Variants in IL17D observed in about 807,000 individuals in gnomAD.
The protein encoded by IL17D is interleukin-17D.
In IL17D, 10 loss-of-function variants were observed where a neutral mutation model predicts 5.7. The observed-to-expected ratio is 1.75, with a 90% CI of 1.08 to 2.97. IL17D has a LOEUF of 2.97. Among genes scored for constraint, IL17D ranks in the 30% most tolerant of loss-of-function variants. The probability of loss-of-function intolerance (pLI) is 0.00; values close to 1 mark genes in which losing one functional copy is unlikely to be tolerated. For synonymous variants in IL17D, 172 were observed against 141.7 expected, an observed-to-expected ratio of 1.21 and a Z score of -1.52; for missense variants, 354 against 292.7, an observed-to-expected ratio of 1.21 and a Z score of -1.53.
At chr13:20,709,047 G>T (rs1253281338) in intron 1 of IL17D, among the ~76,000 whole-genome samples, 1 of 151,522 alleles carries the variant, frequency 6.6e-6, no homozygotes, top group Non-Finnish European at 1.5e-5. Flanking sequence ...TGTTCCCGGG[G>T]AAGGAAGGTC....
In IL17D at chr13:20,721,621, GCT is replaced by G; in HGVS notation, c.291-9_291-8del. ...TGCCCCCAGGCGTGACCTCACCCGT[GCT>G]CTCTCCCTGCAGAATCTCCTACGAC... is the stretch of plus-strand genomic sequence containing the variant. On this transcript the variant is annotated splice_polypyrimidine_tract_variant and intron_variant, in intron 1 of 1. Coordinates refer to ENST00000682841, the MANE Select transcript of IL17D (RefSeq NM_001385224.1). 5 of 1,576,506 alleles carry G rather than the reference GCT, an allele frequency of 3.2e-6. No individual in the cohort carries two copies. The highest frequency in any genetic ancestry group is 1.7e-4 in the Middle Eastern group (1 of 5,886).
intron 1 of IL17D, among the ~76,000 whole-genome samples, chr13:20,719,922 C>A (rs2058717866): frequency 1.3e-5 from 2 of 152,248 alleles, no homozygotes; most frequent in Non-Finnish European, 2.9e-5. Flanking sequence ...CCAGGACACC[C>A]CCGGCTTGTG....
intron 1 of IL17D, among the ~76,000 whole-genome samples, chr13:20,717,741 C>G (rs1369445317): frequency 1.3e-5 from 2 of 152,176 alleles, no homozygotes; most frequent in African/African-American, 4.8e-5. Flanking sequence ...CTCCCATGGC[C>G]CACGCAGCCA....
At chr13:20,720,030 G>C (rs1477108010) in intron 1 of IL17D, among the ~76,000 whole-genome samples, 1 of 152,024 alleles carries the variant, frequency 6.6e-6, no homozygotes, top group Non-Finnish European at 1.5e-5. Flanking sequence ...GTCCTTTGTT[G>C]GTCACGTCCT....
At chr13:20,718,345 TACAC>T (rs1437974744) in intron 1 of IL17D, among the ~76,000 whole-genome samples, 2 of 151,842 alleles carry the variant, frequency 1.3e-5, no homozygotes, top group Non-Finnish European at 2.9e-5. Flanking sequence ...TGTCCATGCT[TACAC>T]ACACGCCCAC....
chr13:20,709,225 A>T (rs1208912217), intron 1 of IL17D, among the ~76,000 whole-genome samples: 1 of 150,240 alleles, frequency 6.7e-6, no homozygotes, highest in Non-Finnish European at 1.5e-5. Flanking sequence ...GTACAGGGGT[A>T]TGAATCAGCA....
upstream of IL17D, chr13:20,702,447 T>C (rs2058552866): frequency 6.6e-6 from 1 of 152,230 alleles, no homozygotes; most frequent in African/African-American, 2.4e-5. Flanking sequence ...TTTTGTACAC[T>C]TTCAAAAAGC....
intron 1 of IL17D, among the ~76,000 whole-genome samples, chr13:20,720,874 A>ACCCCCCCCCCCCCCCCCCCCCCCCCCC (rs67735251): frequency 5.3e-5 from 4 of 75,744 alleles, no homozygotes; most frequent in African/African-American, 1.2e-4. Context: ...CTCCCTCCCA[A>ACCCCCCCCCCCCCCCCCCCCCCCCCCC]CCCCCCCCCC....
At chr13:20,718,280 A>G (rs945571798) in intron 1 of IL17D, among the ~76,000 whole-genome samples, 3 of 152,066 alleles carry the variant, frequency 2.0e-5, no homozygotes, top group Non-Finnish European at 2.9e-5. Context: ...CACCTCTCGA[A>G]TAGCTCACCA....
chr13:20,711,805 G>C (rs2058639958), intron 1 of IL17D, among the ~76,000 whole-genome samples: 1 of 149,254 alleles, frequency 6.7e-6, no homozygotes, highest in Non-Finnish European at 1.5e-5. Context: ...CATTTGAAAA[G>C]CGCCACCTTG....
chr13:20,710,049 T>C (rs764478938), intron 1 of IL17D, among the ~76,000 whole-genome samples: 1 of 152,176 alleles, frequency 6.6e-6, no homozygotes, highest in Non-Finnish European at 1.5e-5. Context: ...CCAGGAGTCA[T>C]CCTGGACCTC....
rs906353243 is a variant in IL17D at position 20,723,097 on chromosome 13, G to T, written c.*1143G>T. ...AATCATTAAAAGAGGCTTGCTGAAGGATACACTGGCTGTGTGTATTTATCT... is the reference window on the plus strand; with the variant it reads ...AATCATTAAAAGAGGCTTGCTGAAGTATACACTGGCTGTGTGTATTTATCT... On this transcript the variant is annotated 3_prime_UTR_variant, in exon 2 of 2. Transcript: ENST00000682841. The T allele has an allele frequency of 6.6e-6, 1 of 152,168 alleles. No homozygotes were observed. Among genetic ancestry groups the T allele is most frequent in the African/African-American group, 2.4e-5 (1 of 41,436 alleles). 9.4% of individuals were successfully genotyped at this position (152,168 alleles called of 1,614,324 possible).
In IL17D at chr13:20,716,907, G is replaced by T. The variant is rs1469307511; in HGVS notation, c.291-4729G>T. Reference sequence around the variant, plus strand: ...GTGGGAGGGTGAGCCACATCAAGGCGCGTGTGCCAACCAGCGCCCCAGCTA... The same window carrying T: ...GTGGGAGGGTGAGCCACATCAAGGCTCGTGTGCCAACCAGCGCCCCAGCTA... On this transcript the variant is annotated intron_variant, in intron 1 of 1. Transcript: ENST00000682841. The surrounding 1 kb of genome is among the most constrained non-coding windows in gnomAD (Gnocchi z 4.2). Among the ~76,000 whole-genome samples the T allele has an allele frequency of 6.6e-6, 1 of 152,192 alleles. No homozygotes were observed. The highest frequency in any genetic ancestry group is 2.4e-5 in the African/African-American group (1 of 41,448).
chr13:20,721,815 C>T lies in IL17D; in HGVS notation c.470C>T (p.Thr157Ile). The T allele has an allele frequency of 1.2e-6, 2 of 1,610,412 alleles. No homozygotes were observed. The highest frequency in any genetic ancestry group is 1.7e-6 in the Non-Finnish European group (2 of 1,179,818). The change falls in exon 2 of 2, where the codon ACC becomes ATC. Residue 157 changes from threonine (T) to isoleucine (I), a missense_variant. Coordinates refer to ENST00000682841, the MANE Select transcript of IL17D (RefSeq NM_001385224.1). The part of the protein sequence containing the change: ...PACAGGRSVY[T>I]EAYVTIPVGC... ...TGCGCCGGCGGCCGTTCCGTCTACA[C>T]CGAGGCCTACGTCACCATCCCCGTG...
intron 1 of IL17D, among the ~76,000 whole-genome samples, chr13:20,718,797 C>T (rs1189616879): frequency 6.7e-6 from 1 of 148,924 alleles, no homozygotes; most frequent in Non-Finnish European, 1.5e-5. Context: ...CACACACCTG[C>T]CCACGCTCAC....
chr13:20,719,082 A>C (rs2058711311), intron 1 of IL17D, among the ~76,000 whole-genome samples: 1 of 113,576 alleles, frequency 8.8e-6, no homozygotes, highest in Non-Finnish European at 1.9e-5. Context: ...CTGACACACA[A>C]CTACCCATGC....
rs768181960 is a variant in IL17D, at chr13:20,721,907, G to A, written c.562G>A (p.Gly188Ser). ...CATCAACTCCAGCATCGACAAACAG[G>A]GCGCCAAGCTCCTGCTGGGCCCCAA... Reference protein sequence around the residue: ...DSINSSIDKQGAKLLLGPNDA... With the variant: ...DSINSSIDKQSAKLLLGPNDA... The change falls in exon 2 of 2, where the codon GGC becomes AGC. Residue 188 changes from glycine to serine, a missense_variant. Coordinates refer to ENST00000682841, the MANE Select transcript of IL17D (RefSeq NM_001385224.1). The A allele has an allele frequency of 6.2e-7, 1 of 1,606,718 alleles. No individual in the cohort carries two copies. Among genetic ancestry groups the A allele is most frequent in the South Asian group, 1.1e-5 (1 of 90,902 alleles).
In IL17D at chr13:20,716,553, G is replaced by C. The variant is rs371619121; in HGVS notation, c.291-5083G>C. On this transcript the variant is annotated intron_variant, in intron 1 of 1. Coordinates refer to ENST00000682841, the MANE Select transcript of IL17D (RefSeq NM_001385224.1). This position sits in a 1 kb window ranked among gnomAD's most constrained non-coding sequence, Gnocchi z 4.2. ...TCATCAAATCCATCTCCTTCACTTT[G>C]CAAAGAACCAGGCAAGGTGGAGTTC... Among the ~76,000 whole-genome samples, 65 of 152,306 alleles carry C rather than the reference G, an allele frequency of 4.3e-4. 1 individual carries two copies. The South Asian group carries it at 0.013, about 31-fold the overall frequency.
intron 1 of IL17D, among the ~76,000 whole-genome samples, chr13:20,707,093 C>T (rs765343490): frequency 2.0e-5 from 3 of 152,164 alleles, no homozygotes; most frequent in Non-Finnish European, 4.4e-5. Context: ...CCTGCATTTT[C>T]CTGCCAGGAG....
Sources: gnomAD v4.1 joint callset for allele counts (sites outside exome capture counted in the v4.1 genomes callset) on GRCh38, gnomAD v4.1.1 for gene constraint, Gnocchi (gnomAD v3.1) non-coding constraint, MANE v1.5 for transcripts, NCBI Gene and HGNC (gene_info 2026-07-23, HGNC 2026-07-21) for gene names.